The following USP15 variants were observed in gnomAD, a reference collection of about 807,000 sequenced individuals.
The protein encoded by USP15 is ubiquitin carboxyl-terminal hydrolase 15.
In USP15, 18 loss-of-function variants were observed where a neutral mutation model predicts 127.1. That is an observed-to-expected ratio of 0.14 (90% CI 0.10 to 0.21). The LOEUF is 0.21. USP15 is among the 10% of genes least tolerant of loss of function. The pLI, the probability that USP15 is intolerant of heterozygous loss-of-function variation, is 1.00. For missense variants in USP15, 805 were observed against 1,159.9 expected (o/e 0.69, Z 4.44); for synonymous variants, 364 against 393.7 (o/e 0.92, Z 0.89).
chr12:62,310,790 T>C (rs1040313021), intron 3 of USP15, among the ~76,000 whole-genome samples: 4 of 50 alleles, frequency 0.08, no homozygotes, highest in African/African-American at 0.2. Flanking sequence ...TTTTAGATTT[T>C]TGAGAATCTC....
chr12:62,401,153 A>G, intron 20 of USP15, 34 bp from the exon 21 acceptor site: 1 of 1,527,758 alleles, frequency 6.5e-7, no homozygotes, highest in East Asian at 2.3e-5. Flanking sequence ...AACCAAGATC[A>G]TTTTCGTCAC....
intron 8 of USP15, among the ~76,000 whole-genome samples, chr12:62,380,703 T>C (rs545684501): frequency 6.1e-4 from 93 of 152,184 alleles, no homozygotes; most frequent in Non-Finnish European, 9.4e-4. Flanking sequence ...GATAATGTAA[T>C]ACTGGGTTTG....
chr12:62,377,179 CCCTCCT>C (rs1288367896), intron 8 of USP15, among the ~76,000 whole-genome samples: 1 of 152,006 alleles, frequency 6.6e-6, no homozygotes, highest in Non-Finnish European at 1.5e-5. Flanking sequence ...AAGCATTTAT[CCCTCCT>C]TCATGTTTCA....
rs1286964913 is a variant in USP15, at chr12:62,334,956, AC to A, written c.683+9024del. The stretch of plus-strand genomic sequence containing the variant: ...ATATTGGGCATAGGGAAATTCAGAT[AC>A]TACAAACTTCCATTTGTCAGGAGTA... On this transcript the variant is annotated intron_variant, in intron 6 of 21. Coordinates refer to ENST00000280377, the MANE Select transcript of USP15 (RefSeq NM_001252078.2). Among the ~76,000 whole-genome samples, 10 of 152,326 alleles carry A rather than the reference AC, an allele frequency of 6.6e-5. No homozygotes were observed. The South Asian group carries it at 1.9e-3, about 28-fold the overall frequency.
intron 6 of USP15, among the ~76,000 whole-genome samples, chr12:62,326,438 A>G (rs1403325262): frequency 6.6e-6 from 1 of 152,178 alleles, no homozygotes; most frequent in Admixed American, 6.5e-5. Flanking sequence ...TCTACACTCC[A>G]TTATCAAAAC....
intron 8 of USP15, among the ~76,000 whole-genome samples, chr12:62,358,051 A>T (rs1316562369): frequency 6.6e-6 from 1 of 152,180 alleles, no homozygotes; most frequent in Non-Finnish European, 1.5e-5. Flanking sequence ...ATCAAATATT[A>T]TCTCTACTGA....
chr12:62,374,251 A>T, intron 8 of USP15: 1 of 270,510 alleles, frequency 3.7e-6, no homozygotes, highest in Non-Finnish European at 5.7e-6. Flanking sequence ...TTTTATTTTT[A>T]GTACTGGTCA....
chr12:62,290,170 G>A (rs1190716756), intron 1 of USP15, among the ~76,000 whole-genome samples: 2 of 152,058 alleles, frequency 1.3e-5, no homozygotes, highest in Non-Finnish European at 2.9e-5. Context: ...TTCTTTGTTG[G>A]TTTTGTGTCC....
chr12:62,355,315 A>T lies in USP15; in HGVS notation c.771-16A>T, dbSNP rs1248659208. ...TAATATAATTGGCTGCATTATGAAAATTTTTTTTCTTCCAGTGTGAAAAAC... is the reference window on the plus strand; with the variant it reads ...TAATATAATTGGCTGCATTATGAAATTTTTTTTTCTTCCAGTGTGAAAAAC... On this transcript the variant is annotated splice_polypyrimidine_tract_variant and intron_variant, in intron 7 of 21. Coordinates refer to ENST00000280377, the MANE Select transcript of USP15 (RefSeq NM_001252078.2). 2 of 1,572,672 alleles carry T rather than the reference A, an allele frequency of 1.3e-6. No homozygotes were observed. Among genetic ancestry groups the T allele is most frequent in the African/African-American group, 1.4e-5 (1 of 72,774 alleles).
At chr12:62,280,354 T>C (rs1038625752) in intron 1 of USP15, among the ~76,000 whole-genome samples, 4 of 152,210 alleles carry the variant, frequency 2.6e-5, no homozygotes, top group African/African-American at 9.7e-5. Context: ...TTGTTAACTA[T>C]GTGTCTTAGC....
At chr12:62,390,799 G>A in intron 14 of USP15, 65 bp from the exon 15 acceptor site, 1 of 1,206,552 alleles carries the variant, frequency 8.3e-7, no homozygotes. Flanking sequence ...CTGATAGAAG[G>A]AAAACTTTTT....
At chr12:62,342,775 T>C (rs970458748) in intron 6 of USP15, among the ~76,000 whole-genome samples, 2 of 152,168 alleles carry the variant, frequency 1.3e-5, no homozygotes, top group Non-Finnish European at 2.9e-5. Flanking sequence ...CTCTGGAAGC[T>C]TCGTCCCAGA....
intron 3 of USP15, among the ~76,000 whole-genome samples, chr12:62,313,726 G>A (rs756060617): frequency 4.0e-5 from 6 of 151,654 alleles, no homozygotes; most frequent in Non-Finnish European, 7.4e-5. Flanking sequence ...AGAAGGAGAG[G>A]TACAGGCTGC....
At chr12:62,382,019 T>C (rs1165447270) in intron 9 of USP15, among the ~76,000 whole-genome samples, 3 of 151,764 alleles carry the variant, frequency 2.0e-5, no homozygotes, top group African/African-American at 7.2e-5. Flanking sequence ...AAAACCTATG[T>C]GAATATTCTA....
At chr12:62,262,683 C>A (rs776184768) in intron 1 of USP15, among the ~76,000 whole-genome samples, 5 of 151,970 alleles carry the variant, frequency 3.3e-5, no homozygotes, top group African/African-American at 7.3e-5. Flanking sequence ...GCGTGTATAG[C>A]TGTATAGGTA....
In USP15 at chr12:62,409,304, A is replaced by G. The variant is rs376598496; in HGVS notation, c.*4929A>G. 1.3e-5 allele frequency: 2 copies of G among 152,178 alleles called. No individual in the cohort carries two copies. Among genetic ancestry groups the G allele is most frequent in the Non-Finnish European group, 2.9e-5 (2 of 68,020 alleles). 9.4% of individuals were successfully genotyped at this position (152,178 alleles called of 1,614,324 possible). A position where few individuals can be genotyped will look rare whatever the true frequency, so the allele number is the denominator to read the frequency against. On this transcript the variant is annotated 3_prime_UTR_variant, in exon 22 of 22. Coordinates refer to ENST00000280377, the MANE Select transcript of USP15 (RefSeq NM_001252078.2). ...TCAAGGAAAATCAGGAATTTACGTA[A>G]TATATTGGACTACAGTCTCAAAGGA...
chr12:62,328,628 T>C (rs967786375), intron 6 of USP15, among the ~76,000 whole-genome samples: 9 of 152,288 alleles, frequency 5.9e-5, no homozygotes, highest in Admixed American at 5.9e-4. Context: ...TTAAAGCACA[T>C]CAGTGTCTCC....
At chr12:62,398,357 C>G (rs2067566824) in intron 20 of USP15, among the ~76,000 whole-genome samples, 1 of 152,088 alleles carries the variant, frequency 6.6e-6, no homozygotes, top group South Asian at 2.1e-4. Context: ...CCTCTTGTTA[C>G]TTTGGGTTTC....
At position 62,404,266 on chromosome 12, in the gene USP15, G is replaced by A. The variant is rs1044740436; in HGVS notation, c.2837G>A (p.Arg946Gln). 2.5e-5 allele frequency: 41 copies of A among 1,613,210 alleles called. No individual in the cohort carries two copies. The highest frequency in any genetic ancestry group is 1.6e-4 in the Middle Eastern group (1 of 6,062). Residue 946 changes from arginine (R) to glutamine (Q), a missense_variant, in exon 22 of 22, where the codon CGA (arginine) becomes CAA (glutamine). By Grantham distance (43) the Arg-to-Gln change is conservative. Coordinates refer to ENST00000280377, the MANE Select transcript of USP15 (RefSeq NM_001252078.2). The stretch of plus-strand genomic sequence containing the variant: ...GGAACTGGCTTTTTTCCTCTTGACC[G>A]AGAAACTAAAGGTGCTTCAGCTGCC... ...FSGTGFFPLD[R>Q]ETKGASAATG...
Sources: allele counts gnomAD v4.1 joint callset (sites outside exome capture counted in the v4.1 genomes callset), GRCh38; gene constraint gnomAD v4.1.1; transcripts MANE v1.5; gene names NCBI Gene and HGNC (gene_info 2026-07-23, HGNC 2026-07-21).